The following CDIP1 variants were observed in gnomAD, a reference collection of about 807,000 sequenced individuals.
CDIP1 encodes cell death inducing p53 target 1.
In CDIP1, 9 loss-of-function variants were observed where a neutral mutation model predicts 17.7. The ratio of observed to expected loss-of-function variants is 0.51; its 90% CI spans 0.31 to 0.89. The LOEUF is 0.89. Among genes scored for constraint, CDIP1 ranks in the 40% least tolerant of loss-of-function variants. The probability of loss-of-function intolerance (pLI) is 0.05; values close to 1 mark genes in which losing one functional copy is unlikely to be tolerated. For missense variants in CDIP1, 263 were observed against 277.9 expected (o/e 0.95, Z 0.38); for synonymous variants, 117 against 109.5 (o/e 1.07, Z -0.43).
chr16:4,535,567 C>G (rs1032219667), intron 1 of CDIP1, among the ~76,000 whole-genome samples: 3 of 152,238 alleles, frequency 2.0e-5, no homozygotes, highest in African/African-American at 4.8e-5. Context: ...TGCTCTTCAC[C>G]TATCACAGAC....
At chr16:4,535,243 C>T (rs1382064026) in intron 1 of CDIP1, among the ~76,000 whole-genome samples, 1 of 152,190 alleles carries the variant, frequency 6.6e-6, no homozygotes, top group Non-Finnish European at 1.5e-5. Context: ...GGAAGACCCT[C>T]AGTGTTTACT....
chr16:4,521,657 G>C (rs1016367949), intron 1 of CDIP1, among the ~76,000 whole-genome samples: 5 of 141,616 alleles, frequency 3.5e-5, no homozygotes, highest in Admixed American at 2.1e-4. Flanking sequence ...GAGCCCAGGA[G>C]TTCGAAACCA....
chr16:4,538,244 G>A (rs556326833), intron 1 of CDIP1: 1 of 152,174 alleles, frequency 6.6e-6, no homozygotes, highest in South Asian at 2.1e-4. Flanking sequence ...GACATCCCCA[G>A]GGCCGCGCTA....
rs544107781 is a variant in CDIP1, at chr16:4,511,362, A to T, written c.*1210T>A. 19 of 152,812 alleles carry T rather than the reference A, an allele frequency of 1.2e-4. No homozygotes were observed. Among genetic ancestry groups the T allele is most frequent in the African/African-American group, 4.3e-4 (18 of 41,554 alleles). 9.5% of individuals were successfully genotyped at this position (152,812 alleles called of 1,614,324 possible). On this transcript the variant is annotated 3_prime_UTR_variant, in exon 6 of 6. Coordinates refer to ENST00000567695, the MANE Select transcript of CDIP1 (RefSeq NM_013399.3). ...AGGGCCAATTTAATGAGAAACTACA[A>T]ACTGAGACTGGGCCACGATTCACAG...
chr16:4,514,279 G>T lies in CDIP1; in HGVS notation c.-14-135C>A. 1.7e-6 allele frequency: 1 copy of T among 573,764 alleles called. No individual in the cohort carries two copies. 35.5% of individuals were successfully genotyped at this position (573,764 alleles called of 1,614,324 possible). ...GAAGGGTCTGCCTCCAGGCACTGGG[G>T]ATCCCCCACCTTTCCCAGGGCCACC... On this transcript the variant is annotated intron_variant, in intron 2 of 5. Coordinates refer to ENST00000567695, the MANE Select transcript of CDIP1 (RefSeq NM_013399.3). This position sits in a 1 kb window ranked among gnomAD's most constrained non-coding sequence, Gnocchi z 5.2.
At chr16:4,516,486 C>T (rs1820814717) in intron 1 of CDIP1, among the ~76,000 whole-genome samples, 1 of 152,066 alleles carries the variant, frequency 6.6e-6, no homozygotes, top group Admixed American at 6.5e-5. Context: ...CTCCACATGT[C>T]CCTGCTGGTC....
chr16:4,538,197 G>C (rs1248238074), intron 1 of CDIP1: 2 of 152,178 alleles, frequency 1.3e-5, no homozygotes, highest in East Asian at 3.9e-4. Flanking sequence ...GGCACACAGC[G>C]GGGCGCCCGC....
chr16:4,524,628 C>T (rs1171320706), intron 1 of CDIP1, among the ~76,000 whole-genome samples: 1 of 152,216 alleles, frequency 6.6e-6, no homozygotes, highest in African/African-American at 2.4e-5. Flanking sequence ...GCCATGGCTC[C>T]AGTAGCTGTG....
chr16:4,537,318 G>A (rs1596500630), intron 1 of CDIP1, among the ~76,000 whole-genome samples: 1 of 152,194 alleles, frequency 6.6e-6, no homozygotes, highest in African/African-American at 2.4e-5. Context: ...TATGTTTCAC[G>A]TTTTTCGTAA....
In CDIP1 at chr16:4,531,105, T is replaced by C. The variant is rs367760223; in HGVS notation, c.-105+7597A>G. Among the ~76,000 whole-genome samples, 318 of 152,034 alleles carry C rather than the reference T, an allele frequency of 2.1e-3. 2 individuals carry two copies. Among genetic ancestry groups the C allele is most frequent in the South Asian group, 4.6e-3 (22 of 4,804 alleles). On this transcript the variant is annotated intron_variant, in intron 1 of 5. Transcript: ENST00000567695. ...GTGCAGTGGCGTGATCTCGGCTCAT[T>C]GCAACCTCCACCTCCCAGGTTCACG...
chr16:4,518,413 G>A lies in CDIP1; in HGVS notation c.-104-3749C>T, dbSNP rs563950584. 4.6e-5 allele frequency among the ~76,000 whole-genome samples: 7 copies of A among 152,302 alleles called. No homozygotes were observed. The South Asian group carries it at 1.2e-3, about 27-fold the overall frequency. On this transcript the variant is annotated intron_variant, in intron 1 of 5. Coordinates refer to ENST00000567695, the MANE Select transcript of CDIP1 (RefSeq NM_013399.3). ...ACAGGGAAGGGTCTGGACCTGCACA[G>A]GGCTGGCTTCCCCTCCAGCTCGATG...
At chr16:4,518,300 C>T (rs1443951517) in intron 1 of CDIP1, among the ~76,000 whole-genome samples, 1 of 152,258 alleles carries the variant, frequency 6.6e-6, no homozygotes, top group African/African-American at 2.4e-5. Flanking sequence ...ATTCCACATA[C>T]AGCCTTGCCC....
chr16:4,517,753 A>AC lies in CDIP1; in HGVS notation c.-104-3090_-104-3089insG, dbSNP rs1290344185. Reference sequence around the variant, plus strand: ...GAGACCCTGTCTCAAAAAACAAAAAAAAAAAAAACAGAACAGGGAGTAGCA... The same window carrying AC: ...GAGACCCTGTCTCAAAAAACAAAAAACAAAAAAAACAGAACAGGGAGTAGCA... On this transcript the variant is annotated intron_variant, in intron 1 of 5. Coordinates refer to ENST00000567695, the MANE Select transcript of CDIP1 (RefSeq NM_013399.3). Among the ~76,000 whole-genome samples the AC allele has an allele frequency of 1.4e-3, 220 of 152,032 alleles. 2 individuals carry two copies. The highest frequency in any genetic ancestry group is 3.9e-3 in the Admixed American group (59 of 15,290).
In CDIP1 at chr16:4,514,091, T is replaced by C. The variant is rs752926554; in HGVS notation, c.40A>G (p.Thr14Ala). 4 of 1,542,084 alleles carry C rather than the reference T, an allele frequency of 2.6e-6. No homozygotes were observed. Among genetic ancestry groups the C allele is most frequent in the Middle Eastern group, 1.7e-4 (1 of 5,818 alleles). Residue 14 changes from threonine (T) to alanine (A), a missense_variant, in exon 3 of 6, where the codon ACA becomes GCA. Coordinates refer to ENST00000567695, the MANE Select transcript of CDIP1 (RefSeq NM_013399.3). The surrounding 1 kb of genome is among the most constrained non-coding windows in gnomAD (Gnocchi z 5.2). ...CTTTTCTCTTCCAGAAGTGGGGCTG[T>C]GGGGCCCCCAGGATAAGGAGGGGGA... ...EPPPPYPGGPTAPLLEEKSGA... is the reference protein window; with the variant it reads ...EPPPPYPGGPAAPLLEEKSGA...
At chr16:4,529,259 C>T (rs2059030545) in intron 1 of CDIP1, among the ~76,000 whole-genome samples, 1 of 152,178 alleles carries the variant, frequency 6.6e-6, no homozygotes, top group African/African-American at 2.4e-5. Context: ...ACCTCACAGT[C>T]CTGCTAGCCT....
intron 1 of CDIP1, among the ~76,000 whole-genome samples, chr16:4,520,623 T>C (rs551338500): frequency 1.3e-5 from 2 of 152,216 alleles, no homozygotes; most frequent in Non-Finnish European, 2.9e-5. Flanking sequence ...GAACAATATA[T>C]ATTTTTTTAA....
Position 4,514,428 on chromosome 16 carries a change from C to T in CDIP1, c.-15+147G>A. On this transcript the variant is annotated intron_variant, in intron 2 of 5. Coordinates refer to ENST00000567695, the MANE Select transcript of CDIP1 (RefSeq NM_013399.3). This position sits in a 1 kb window ranked among gnomAD's most constrained non-coding sequence, Gnocchi z 5.2. ...AGGTAAAGTCCCCCAAGGAGCCTAA[C>T]TCAGCACTTGCCCCACACGAGAGCA... 1 of 392,384 alleles carries T rather than the reference C, an allele frequency of 2.5e-6. No individual in the cohort carries two copies. The highest frequency in any genetic ancestry group is 5.7e-5 in the South Asian group (1 of 17,410). 24.3% of individuals were successfully genotyped at this position (392,384 alleles called of 1,614,324 possible).
chr16:4,526,533 A>C (rs2059002606), intron 1 of CDIP1, among the ~76,000 whole-genome samples: 1 of 151,522 alleles, frequency 6.6e-6, no homozygotes, highest in African/African-American at 2.4e-5. Flanking sequence ...ACCTGTCTCT[A>C]CTAAAAATAC....
At position 4,512,492 on chromosome 16, in the gene CDIP1, G is replaced by A. The variant is rs745441418; in HGVS notation, c.*80C>T. 85 of 1,014,524 alleles carry A rather than the reference G, an allele frequency of 8.4e-5. No homozygotes were observed. The highest frequency in any genetic ancestry group is 2.6e-4 in the South Asian group (20 of 77,546). The allele number at this position is 1,014,524 out of a possible 1,614,324, so 62.8% of individuals were successfully genotyped here. On this transcript the variant is annotated 3_prime_UTR_variant, in exon 6 of 6. Transcript: ENST00000567695. The surrounding 1 kb of genome is among the most constrained non-coding windows in gnomAD (Gnocchi z 4.6). ...ACGGCTCCCAGCCCCAAGTGGGAGC[G>A]GGAAAGTGACCACTGAGCACAGGGA...
Sources: allele counts gnomAD v4.1 joint callset (sites outside exome capture counted in the v4.1 genomes callset), GRCh38; gene constraint gnomAD v4.1.1; non-coding constraint Gnocchi (gnomAD v3.1); transcripts MANE v1.5; gene names NCBI Gene and HGNC (gene_info 2026-07-23, HGNC 2026-07-21).